LRRIQ1: variants seen among roughly 807,000 people sequenced by gnomAD.
LRRIQ1 encodes leucine rich repeats and IQ motif containing 1.
Under a neutral mutation model 211.9 loss-of-function variants are expected in LRRIQ1, and 210 were observed. That is an observed-to-expected ratio of 0.99 (90% CI 0.89 to 1.11). The LOEUF is 1.11. Ranked by LOEUF, LRRIQ1 falls within the 50% of genes most tolerant of loss-of-function variation. The pLI, the probability that LRRIQ1 is intolerant of heterozygous loss-of-function variation, is 0.00. For missense variants in LRRIQ1, 2,136 were observed against 1,939.5 expected, an observed-to-expected ratio of 1.10 and a Z score of -1.90; for synonymous variants, 699 against 650.1, an observed-to-expected ratio of 1.08 and a Z score of -1.14.
intron 11 of LRRIQ1, among the ~76,000 whole-genome samples, chr12:85,089,446 T>G (rs1296407145): frequency 1.3e-5 from 2 of 152,180 alleles, no homozygotes; most frequent in Non-Finnish European, 2.9e-5. Context: ...CCTGGATAAA[T>G]GGTTGTTGCC....
intron 12 of LRRIQ1, 73 bp from the exon 13 acceptor site, chr12:85,098,794 G>A: frequency 8.9e-7 from 1 of 1,129,358 alleles, no homozygotes; most frequent in Non-Finnish European, 1.2e-6. Flanking sequence ...TTGGAAGGTT[G>A]TGTATTTTTT....
At chr12:85,136,255 G>A (rs1889124650) in intron 18 of LRRIQ1, among the ~76,000 whole-genome samples, 1 of 151,926 alleles carries the variant, frequency 6.6e-6, no homozygotes, top group Non-Finnish European at 1.5e-5. Context: ...GCTACTCAGA[G>A]TATATGCTAA....
At chr12:85,063,868 C>T (rs756335483) in intron 8 of LRRIQ1, among the ~76,000 whole-genome samples, 7 of 151,676 alleles carry the variant, frequency 4.6e-5, no homozygotes, top group Non-Finnish European at 7.4e-5. Flanking sequence ...GGCAGGATCT[C>T]ATTGTTTTTG....
intron 1 of LRRIQ1, among the ~76,000 whole-genome samples, chr12:85,257,105 A>T (rs1360915801): frequency 6.2e-4 from 49 of 78,678 alleles, no homozygotes; most frequent in African/African-American, 1.0e-3. Flanking sequence ...AATTATATAA[A>T]TATATATAAT....
intron 7 of LRRIQ1, 31 bp from the exon 8 acceptor site, chr12:85,055,516 G>A (rs1469879290): frequency 1.4e-6 from 2 of 1,398,706 alleles, no homozygotes. Flanking sequence ...TTTAGTTTAT[G>A]CTGACTACCA....
At chr12:85,228,177 C>A (rs1894761764) in intron 24 of LRRIQ1, among the ~76,000 whole-genome samples, 1 of 152,184 alleles carries the variant, frequency 6.6e-6, no homozygotes. Context: ...CCAATGGGAT[C>A]TAATTAAACT....
rs541464491 is a variant in LRRIQ1 at position 85,127,068 on chromosome 12, T to G, written c.4008-764T>G. Among the ~76,000 whole-genome samples, 56 of 152,320 alleles carry G rather than the reference T, an allele frequency of 3.7e-4. No individual in the cohort carries two copies. In the South Asian group the frequency reaches 0.01, roughly 28 times the overall value. On this transcript the variant is annotated intron_variant, in intron 17 of 26. Coordinates refer to ENST00000393217, the MANE Select transcript of LRRIQ1 (RefSeq NM_001079910.2). ...AGAATAGTCAGCACTTTGACTACAC[T>G]CTTTACCTTGTAATATTCCTCTAAT...
chr12:85,267,430 AT>A (rs1896447101), downstream of LRRIQ1, among the ~76,000 whole-genome samples: 1 of 152,082 alleles, frequency 6.6e-6, no homozygotes, highest in Non-Finnish European at 1.5e-5. Flanking sequence ...AAATAAAGTA[AT>A]TTTAGATTAA....
At chr12:85,230,894 A>T (rs2137189447) in intron 25 of LRRIQ1, among the ~76,000 whole-genome samples, 1 of 151,114 alleles carries the variant, frequency 6.6e-6, no homozygotes, top group East Asian at 1.9e-4. Flanking sequence ...CTAAAAATAC[A>T]ACAAATTAGC....
chr12:85,078,131 G>T (rs1306550180), intron 11 of LRRIQ1, among the ~76,000 whole-genome samples: 2 of 152,076 alleles, frequency 1.3e-5, no homozygotes, highest in African/African-American at 4.8e-5. Context: ...TTTTTGGAAT[G>T]TATATTAATA....
At chr12:85,146,177 A>G (rs1284347108) in intron 19 of LRRIQ1, among the ~76,000 whole-genome samples, 1 of 151,824 alleles carries the variant, frequency 6.6e-6, no homozygotes, top group Non-Finnish European at 1.5e-5. Flanking sequence ...CAATTCTGCC[A>G]TCCAGAATAA....
At position 85,115,177 on chromosome 12, in the gene LRRIQ1, C is replaced by G. The variant is rs192824450; in HGVS notation, c.3378-6520C>G. Among the ~76,000 whole-genome samples, 223 of 152,108 alleles carry G rather than the reference C, an allele frequency of 1.5e-3. 2 individuals are homozygous for G. The highest frequency in any genetic ancestry group is 4.6e-3 in the Admixed American group (70 of 15,274). ...GGTTCAGCCCTTGATTAGGAGGCGC[C>G]CAGCTGGAAAAGCTAATGTTGAGAT... is the stretch of plus-strand genomic sequence containing the variant. On this transcript the variant is annotated intron_variant, in intron 15 of 26. Transcript: ENST00000393217.
intron 24 of LRRIQ1, among the ~76,000 whole-genome samples, chr12:85,223,353 A>T (rs1894490723): frequency 1.3e-5 from 2 of 152,182 alleles, no homozygotes; most frequent in Admixed American, 6.6e-5. Flanking sequence ...GGAATACTTG[A>T]TGTCTGGTGT....
At chr12:85,240,054 G>A (rs1443767121) in intron 26 of LRRIQ1, among the ~76,000 whole-genome samples, 1 of 151,946 alleles carries the variant, frequency 6.6e-6, no homozygotes, top group Non-Finnish European at 1.5e-5. Flanking sequence ...CCACAAACCT[G>A]GCATAGGCAA....
At chr12:85,127,807 GT>G in intron 17 of LRRIQ1, 24 bp from the exon 18 acceptor site, 1 of 1,589,178 alleles carries the variant, frequency 6.3e-7, no homozygotes, top group Admixed American at 1.7e-5. Flanking sequence ...AAAAAAGTGT[GT>G]GTTTTTTTTT....
intron 16 of LRRIQ1, among the ~76,000 whole-genome samples, chr12:85,123,405 G>A (rs1330231103): frequency 1.3e-5 from 2 of 151,976 alleles, no homozygotes; most frequent in African/African-American, 2.4e-5. Context: ...AAGACAAAAT[G>A]TAGCCAAGAA....
chr12:85,212,970 C>T (rs1435607402), intron 24 of LRRIQ1, among the ~76,000 whole-genome samples: 4 of 150,694 alleles, frequency 2.7e-5, no homozygotes, highest in African/African-American at 9.7e-5. Flanking sequence ...GTACAGATGG[C>T]ATATAGAAGG....
chr12:85,110,579 G>A (rs888197813), intron 15 of LRRIQ1, among the ~76,000 whole-genome samples: 2 of 152,108 alleles, frequency 1.3e-5, no homozygotes, highest in African/African-American at 4.8e-5. Context: ...AAACACTAGT[G>A]TCAAATGATT....
chr12:85,040,862 A>C, intron 3 of LRRIQ1, among the ~76,000 whole-genome samples: 1 of 151,466 alleles, frequency 6.6e-6, no homozygotes, highest in African/African-American at 2.4e-5. Flanking sequence ...ACATCCTATT[A>C]TTTTATATTA....
Sources: allele counts gnomAD v4.1 joint callset (sites outside exome capture counted in the v4.1 genomes callset), GRCh38; gene constraint gnomAD v4.1.1; transcripts MANE v1.5; gene names NCBI Gene and HGNC (gene_info 2026-07-23, HGNC 2026-07-21).